RHOBTB3: variants seen among roughly 807,000 people sequenced by gnomAD.
RHOBTB3 encodes the protein rho-related BTB domain-containing protein 3.
Under a neutral mutation model 67.2 loss-of-function variants are expected in RHOBTB3, and 47 were observed. That is an observed-to-expected ratio of 0.70 (90% confidence interval 0.55 to 0.89). The LOEUF is 0.89. Among genes scored for constraint, RHOBTB3 ranks in the 40% least tolerant of loss-of-function variants. The pLI is 0.00. For synonymous variants in RHOBTB3, 273 were observed against 274.2 expected (o/e 1.00, Z 0.04); for missense variants, 631 against 750.0 (o/e 0.84, Z 1.85).
intron 8 of RHOBTB3, chr5:95,770,843 T>C (rs183510981): frequency 4.1e-5 from 7 of 171,500 alleles, no homozygotes; most frequent in Non-Finnish European, 3.8e-5. Context: ...AAAAAATCAC[T>C]ACAACCATCA....
intron 2 of RHOBTB3, among the ~76,000 whole-genome samples, chr5:95,733,919 C>T (rs898319053): frequency 5.3e-5 from 8 of 152,156 alleles, no homozygotes; most frequent in Non-Finnish European, 1.0e-4. Context: ...TTCAGATTCC[C>T]ACATTGCCAT....
At chr5:95,766,016 A>G (rs1022819469) in intron 7 of RHOBTB3, among the ~76,000 whole-genome samples, 2 of 152,034 alleles carry the variant, frequency 1.3e-5, no homozygotes, top group Non-Finnish European at 2.9e-5. Flanking sequence ...CTTGACTCCC[A>G]TGCCCGAATT....
intron 3 of RHOBTB3, among the ~76,000 whole-genome samples, chr5:95,746,006 G>A (rs1744903600): frequency 6.6e-6 from 1 of 152,116 alleles, no homozygotes; most frequent in African/African-American, 2.4e-5. Flanking sequence ...TTAGAATCCA[G>A]ATAAAGGGTA....
At chr5:95,767,045 C>G (rs1031137016) in intron 7 of RHOBTB3, among the ~76,000 whole-genome samples, 1 of 151,904 alleles carries the variant, frequency 6.6e-6, no homozygotes, top group Non-Finnish European at 1.5e-5. Context: ...ATGGCAAAAC[C>G]CTGTCTCTAC....
intron 1 of RHOBTB3, among the ~76,000 whole-genome samples, chr5:95,722,166 A>C (rs916034269): frequency 4.7e-4 from 71 of 152,278 alleles, no homozygotes; most frequent in African/African-American, 1.7e-3. Context: ...TACCCAATGG[A>C]TGGCCATAGC....
intron 11 of RHOBTB3, among the ~76,000 whole-genome samples, chr5:95,790,679 C>A (rs745802936): frequency 6.6e-6 from 1 of 152,178 alleles, no homozygotes; most frequent in African/African-American, 2.4e-5. Context: ...TGAGAACTCT[C>A]ATTCTGCAGT....
At chr5:95,783,691 G>C (rs897783383) in intron 9 of RHOBTB3, 106 bp from the exon 10 acceptor site, 8 of 902,256 alleles carry the variant, frequency 8.9e-6, no homozygotes, top group Non-Finnish European at 1.3e-5. Context: ...TGGATGCTAC[G>C]GTCAGCATGT....
chr5:95,726,959 T>C (rs1580385095), upstream of RHOBTB3, among the ~76,000 whole-genome samples: 4 of 150,864 alleles, frequency 2.7e-5, no homozygotes, highest in South Asian at 8.4e-4. Flanking sequence ...TAATTTCGTT[T>C]CCCCCCTTTT....
intron 10 of RHOBTB3, among the ~76,000 whole-genome samples, chr5:95,788,086 G>C (rs532039514): frequency 1.3e-5 from 2 of 152,378 alleles, no homozygotes; most frequent in South Asian, 4.1e-4. Flanking sequence ...CTGCCAGCAA[G>C]TTACTGTCAT....
At chr5:95,733,541 T>G (rs1755368304) in intron 2 of RHOBTB3, among the ~76,000 whole-genome samples, 1 of 152,246 alleles carries the variant, frequency 6.6e-6, no homozygotes. Context: ...CCCATACACT[T>G]TGTCTAGTAA....
At chr5:95,750,786 A>G (rs1405718202) in intron 4 of RHOBTB3, among the ~76,000 whole-genome samples, 2 of 152,094 alleles carry the variant, frequency 1.3e-5, no homozygotes, top group Non-Finnish European at 2.9e-5. Context: ...CAGTGGACAG[A>G]GCTTTGATGT....
At chr5:95,792,570 A>G (rs932599356) in intron 11 of RHOBTB3, among the ~76,000 whole-genome samples, 2 of 152,026 alleles carry the variant, frequency 1.3e-5, no homozygotes, top group African/African-American at 2.4e-5. Flanking sequence ...AGGCAGGCAG[A>G]TCACGAGGTC....
intron 8 of RHOBTB3, among the ~76,000 whole-genome samples, chr5:95,772,254 G>A (rs1387461997): frequency 6.6e-6 from 1 of 152,194 alleles, no homozygotes; most frequent in African/African-American, 2.4e-5. Context: ...GTGTCTAGTG[G>A]TGTTTGATCC....
At chr5:95,743,431 G>A (rs935809238) in intron 3 of RHOBTB3, among the ~76,000 whole-genome samples, 6 of 152,014 alleles carry the variant, frequency 3.9e-5, no homozygotes, top group South Asian at 4.2e-4. Context: ...CCTCCTTGTT[G>A]CTCCCTGCAT....
In RHOBTB3 at chr5:95,793,200, C is replaced by T; in HGVS notation, c.*26C>T. On this transcript the variant is annotated 3_prime_UTR_variant, in exon 12 of 12. Coordinates refer to ENST00000379982, the MANE Select transcript of RHOBTB3 (RefSeq NM_014899.4). ...CCTGGAGCTTTTATACACTACATTT[C>T]TTTTTTATTATTATGAAGAATGGGA... 1 of 1,425,808 alleles carries T rather than the reference C, an allele frequency of 7.0e-7. No homozygotes were observed. The highest frequency in any genetic ancestry group is 1.2e-5 in the South Asian group (1 of 81,380). 88.3% of individuals were successfully genotyped at this position (1,425,808 alleles called of 1,614,324 possible).
intron 2 of RHOBTB3, chr5:95,732,354 G>A (rs1227202508): frequency 1.7e-6 from 1 of 583,208 alleles, no homozygotes; most frequent in Admixed American, 3.0e-5. Context: ...CCCTTGGTAG[G>A]CAGCAGACAG....
intron 6 of RHOBTB3, among the ~76,000 whole-genome samples, chr5:95,762,195 C>A (rs1031768863): frequency 6.6e-6 from 1 of 152,154 alleles, no homozygotes; most frequent in Non-Finnish European, 1.5e-5. Flanking sequence ...TCATTTGACT[C>A]CCTCCCCCAG....
intron 7 of RHOBTB3, 47 bp from the exon 8 acceptor site, chr5:95,767,999 A>G (rs931459943): frequency 4.4e-6 from 7 of 1,588,668 alleles, no homozygotes; most frequent in Non-Finnish European, 5.2e-6. Context: ...ATATGTTATC[A>G]AAGCATGTTA....
intron 7 of RHOBTB3, among the ~76,000 whole-genome samples, chr5:95,764,868 A>AG (rs1297095948): frequency 3.3e-5 from 5 of 152,016 alleles, no homozygotes; most frequent in African/African-American, 1.2e-4. Flanking sequence ...TTAAGGGGTA[A>AG]GATTTTTTTT....
Sources: gnomAD v4.1 joint callset for allele counts (sites outside exome capture counted in the v4.1 genomes callset) on GRCh38, gnomAD v4.1.1 for gene constraint, MANE v1.5 for transcripts, NCBI Gene and HGNC (gene_info 2026-07-23, HGNC 2026-07-21) for gene names.